ENTREP2: variants seen among roughly 807,000 people sequenced by gnomAD.
ENTREP2 encodes endosomal transmembrane epsin interactor 2, also known as protein ENTREP2.
At chr15:29,126,373 G>A in the ENTREP2 span, 9 of 1,544,668 alleles carry the variant, frequency 5.8e-6, no homozygotes, top group Non-Finnish European at 7.9e-6. Context: ...GAGACACATG[G>A]CCAGGGGGAA....
the ENTREP2 span, among the ~76,000 whole-genome samples, chr15:29,353,733 C>T: frequency 4.2e-4 from 64 of 152,250 alleles, 2 homozygotes; most frequent in South Asian, 0.013. Flanking sequence ...ATCATTTTCC[C>T]CCATGAAATA....
the ENTREP2 span, among the ~76,000 whole-genome samples, chr15:29,258,836 G>A: frequency 6.6e-6 from 1 of 152,132 alleles, no homozygotes; most frequent in Non-Finnish European, 1.5e-5. Context: ...AAATCATACA[G>A]TACTCTTCCT....
chr15:29,411,404 T>G, the ENTREP2 span, among the ~76,000 whole-genome samples: 1 of 152,208 alleles, frequency 6.6e-6, no homozygotes, highest in Non-Finnish European at 1.5e-5. Context: ...GTGTAAACGA[T>G]TTCTCTCCAC....
chr15:29,231,885 CTTTTCTTTCTTT>C, the ENTREP2 span, among the ~76,000 whole-genome samples: 2 of 129,952 alleles, frequency 1.5e-5, no homozygotes, highest in South Asian at 5.1e-4. Flanking sequence ...GTTTTCTTTT[CTTTTCTTTCTTT>C]TTTTTTTTTT....
chr15:29,618,072 A>C, the ENTREP2 span, among the ~76,000 whole-genome samples: 2 of 152,170 alleles, frequency 1.3e-5, no homozygotes, highest in Non-Finnish European at 2.9e-5. Flanking sequence ...AGAGTCTTAG[A>C]AATAATGGCT....
the ENTREP2 span, among the ~76,000 whole-genome samples, chr15:29,436,848 G>A: frequency 2.6e-5 from 4 of 152,236 alleles, no homozygotes; most frequent in African/African-American, 4.8e-5. Flanking sequence ...GTAACATTAC[G>A]GAATTTCCAA....
chr15:29,203,299 G>A, the ENTREP2 span, among the ~76,000 whole-genome samples: 1 of 152,192 alleles, frequency 6.6e-6, no homozygotes, highest in African/African-American at 2.4e-5. Flanking sequence ...CTACTGGGGA[G>A]GCTGAGGCAG....
chr15:29,596,119 C>T, the ENTREP2 span, among the ~76,000 whole-genome samples: 1 of 152,252 alleles, frequency 6.6e-6, no homozygotes, highest in South Asian at 2.1e-4. Context: ...GCTCAGTTGG[C>T]AGAAGAGCAA....
At chr15:29,235,728 G>A in the ENTREP2 span, among the ~76,000 whole-genome samples, 6 of 152,134 alleles carry the variant, frequency 3.9e-5, no homozygotes, top group African/African-American at 1.4e-4. Context: ...CACTTTGGGA[G>A]GCCAAGGTGG....
the ENTREP2 span, among the ~76,000 whole-genome samples, chr15:29,221,110 T>C: frequency 6.6e-6 from 1 of 152,092 alleles, no homozygotes; most frequent in Non-Finnish European, 1.5e-5. Context: ...CAAGCCAGAA[T>C]CTGGAGTTCT....
chr15:29,155,706 A>G, the ENTREP2 span, among the ~76,000 whole-genome samples: 1 of 152,116 alleles, frequency 6.6e-6, no homozygotes, highest in Admixed American at 6.5e-5. Context: ...GAACCTGGAA[A>G]CTGTCTCAAG....
chr15:29,230,456 T>G, the ENTREP2 span, among the ~76,000 whole-genome samples: 2 of 152,178 alleles, frequency 1.3e-5, no homozygotes, highest in Non-Finnish European at 2.9e-5. Context: ...TGAAAATATT[T>G]AGAGAATATG....
the ENTREP2 span, among the ~76,000 whole-genome samples, chr15:29,219,835 G>C: frequency 3.6e-4 from 55 of 151,346 alleles, 1 homozygote; most frequent in East Asian, 0.011. Context: ...AGGTGTAAGA[G>C]TAATACAATG....
At chr15:29,628,370 T>G in the ENTREP2 span, among the ~76,000 whole-genome samples, 1 of 152,328 alleles carries the variant, frequency 6.6e-6, no homozygotes, top group South Asian at 2.1e-4. Flanking sequence ...CTTTATATAT[T>G]CAGGAAATTA....
chr15:29,398,268 A>G, the ENTREP2 span, among the ~76,000 whole-genome samples: 23 of 151,866 alleles, frequency 1.5e-4, no homozygotes, highest in Admixed American at 1.2e-3. Flanking sequence ...GTTAGAAAAC[A>G]GAATTCAGCA....
chr15:29,205,316 A>G, the ENTREP2 span, among the ~76,000 whole-genome samples: 26 of 152,198 alleles, frequency 1.7e-4, no homozygotes, highest in Non-Finnish European at 3.4e-4. Context: ...CCCTGCTTTC[A>G]ATTATTTGGG....
the ENTREP2 span, among the ~76,000 whole-genome samples, chr15:29,515,144 C>A: frequency 5.9e-5 from 9 of 152,206 alleles, no homozygotes; most frequent in Non-Finnish European, 1.0e-4. Context: ...AATCATGACA[C>A]AACCTACTCA....
At chr15:29,365,168 T>C in the ENTREP2 span, among the ~76,000 whole-genome samples, 1 of 152,216 alleles carries the variant, frequency 6.6e-6, no homozygotes, top group Non-Finnish European at 1.5e-5. Context: ...CTATACAGTC[T>C]ATAGCCTTTT....
At chr15:29,295,012 A>G in the ENTREP2 span, among the ~76,000 whole-genome samples, 1 of 152,190 alleles carries the variant, frequency 6.6e-6, no homozygotes, top group African/African-American at 2.4e-5. Flanking sequence ...CCAGGCACTG[A>G]GAGAAGCTTC....
Sources: allele counts gnomAD v4.1 joint callset (sites outside exome capture counted in the v4.1 genomes callset), GRCh38; gene constraint gnomAD v4.1.1; transcripts MANE v1.5; gene names NCBI Gene and HGNC (gene_info 2026-07-23, HGNC 2026-07-21).